The following CNTNAP2 variants were observed in gnomAD, a reference collection of about 807,000 sequenced individuals.
CNTNAP2 encodes the protein contactin associated protein 2.
CNTNAP2 carries 98 observed loss-of-function variants against 155.2 expected under a neutral mutation model. That is an observed-to-expected ratio of 0.63 (90% CI 0.54 to 0.75). CNTNAP2 has a LOEUF of 0.75. Ranked by LOEUF, CNTNAP2 falls within the 30% of genes least tolerant of loss-of-function variation. The pLI is 0.00. For missense variants in CNTNAP2, 1,727 were observed against 1,688.1 expected, an observed-to-expected ratio of 1.02 and a Z score of -0.40; for synonymous variants, 651 against 631.2, an observed-to-expected ratio of 1.03 and a Z score of -0.47.
At chr7:146,948,552 C>G (rs1343157781) in intron 3 of CNTNAP2, among the ~76,000 whole-genome samples, 2 of 152,130 alleles carry the variant, frequency 1.3e-5, no homozygotes, top group African/African-American at 4.8e-5. Flanking sequence ...GTTTGAACTT[C>G]TCAATTATAT....
intron 1 of CNTNAP2, among the ~76,000 whole-genome samples, chr7:146,414,866 AG>A (rs1795915070): frequency 6.6e-6 from 1 of 152,216 alleles, no homozygotes; most frequent in African/African-American, 2.4e-5. Flanking sequence ...TGCATTTAAA[AG>A]CCTTTATTCT....
At chr7:147,052,828 T>G (rs927942585) in intron 4 of CNTNAP2, among the ~76,000 whole-genome samples, 1 of 152,056 alleles carries the variant, frequency 6.6e-6, no homozygotes, top group Non-Finnish European at 1.5e-5. Flanking sequence ...ATGAGGTAAT[T>G]AAAATTGTCA....
intron 10 of CNTNAP2, among the ~76,000 whole-genome samples, chr7:147,440,620 C>T (rs1430611273): frequency 6.6e-6 from 1 of 152,106 alleles, no homozygotes; most frequent in Non-Finnish European, 1.5e-5. Flanking sequence ...TTGAAGAACT[C>T]CCTTTAGCAT....
At chr7:146,448,114 G>A (rs1245877198) in intron 1 of CNTNAP2, among the ~76,000 whole-genome samples, 1 of 151,966 alleles carries the variant, frequency 6.6e-6, no homozygotes, top group Non-Finnish European at 1.5e-5. Flanking sequence ...AAGAAAAATG[G>A]TTAATGCTAC....
intron 13 of CNTNAP2, among the ~76,000 whole-genome samples, chr7:147,767,024 C>A (rs544094873): frequency 6.6e-6 from 1 of 152,116 alleles, no homozygotes; most frequent in South Asian, 2.1e-4. Context: ...ATTATTTACT[C>A]CCTATTGACT....
At position 146,174,001 on chromosome 7, in the gene CNTNAP2, G is replaced by T. The variant is rs1798432044; in HGVS notation, c.97+57028G>T. The stretch of plus-strand genomic sequence containing the variant: ...GTGGGAGGATCATTTGAAGTTAGGA[G>T]TTCAAGACCAGCCTGGCCAACAGTG... On this transcript the variant is annotated intron_variant, in intron 1 of 23. Transcript: ENST00000361727. Among the ~76,000 whole-genome samples, 3 of 152,070 alleles carry T rather than the reference G, an allele frequency of 2.0e-5. No individual in the cohort carries two copies. The South Asian group carries it at 6.2e-4, about 32-fold the overall frequency.
At chr7:147,829,086 T>G (rs1284831185) in intron 13 of CNTNAP2, among the ~76,000 whole-genome samples, 1 of 152,214 alleles carries the variant, frequency 6.6e-6, no homozygotes, top group African/African-American at 2.4e-5. Context: ...GCCTTTAGTG[T>G]GTCCCAGTGA....
intron 21 of CNTNAP2, among the ~76,000 whole-genome samples, chr7:148,331,437 C>T (rs111065141): frequency 0.01 from 709 of 69,732 alleles, 7 homozygotes; most frequent in Middle Eastern, 0.047. Flanking sequence ...ATGGAGTGGA[C>T]GTATGGAATG....
chr7:146,554,220 T>A (rs939103528), intron 1 of CNTNAP2, among the ~76,000 whole-genome samples: 1 of 152,182 alleles, frequency 6.6e-6, no homozygotes, highest in Non-Finnish European at 1.5e-5. Flanking sequence ...GCCAGTGCTT[T>A]AACTTGAACT....
At chr7:146,863,378 T>C (rs1453046716) in intron 3 of CNTNAP2, among the ~76,000 whole-genome samples, 1 of 152,154 alleles carries the variant, frequency 6.6e-6, no homozygotes, top group Admixed American at 6.6e-5. Context: ...TCAATTGAGA[T>C]GAAGAGTTAT....
intron 14 of CNTNAP2, among the ~76,000 whole-genome samples, chr7:147,926,260 G>A (rs2116790731): frequency 6.6e-6 from 1 of 152,246 alleles, no homozygotes; most frequent in East Asian, 1.9e-4. Context: ...CCTCCATGAT[G>A]GACCTTGGAG....
At chr7:146,568,436 C>T (rs1231983511) in intron 1 of CNTNAP2, among the ~76,000 whole-genome samples, 4 of 152,100 alleles carry the variant, frequency 2.6e-5, no homozygotes, top group Admixed American at 6.5e-5. Context: ...TTTATATTGT[C>T]GTTAATTTAC....
At chr7:147,740,992 C>CA (rs1348415572) in intron 13 of CNTNAP2, among the ~76,000 whole-genome samples, 4 of 152,188 alleles carry the variant, frequency 2.6e-5, no homozygotes, top group Non-Finnish European at 4.4e-5. Flanking sequence ...TTCCCACCCC[C>CA]AATGGTCATT....
chr7:146,791,184 C>G (rs1280798785), intron 2 of CNTNAP2, among the ~76,000 whole-genome samples: 4 of 151,838 alleles, frequency 2.6e-5, no homozygotes, highest in Non-Finnish European at 5.9e-5. Flanking sequence ...GGTGACAACA[C>G]GTGGTGTTTG....
chr7:147,320,584 C>T (rs755714908), intron 9 of CNTNAP2, among the ~76,000 whole-genome samples: 7 of 152,158 alleles, frequency 4.6e-5, no homozygotes, highest in Non-Finnish European at 8.8e-5. Flanking sequence ...CAGAACTCTA[C>T]GTCAGGTCAA....
chr7:146,986,960 A>G (rs1798124229), intron 3 of CNTNAP2, among the ~76,000 whole-genome samples: 1 of 152,104 alleles, frequency 6.6e-6, no homozygotes, highest in African/African-American at 2.4e-5. Flanking sequence ...ATTAGCAATT[A>G]TTGTATATAA....
At chr7:147,771,041 A>T (rs1172363541) in intron 13 of CNTNAP2, among the ~76,000 whole-genome samples, 1 of 152,226 alleles carries the variant, frequency 6.6e-6, no homozygotes, top group Non-Finnish European at 1.5e-5. Flanking sequence ...TCAAAAATTG[A>T]TATATGCATT....
intron 6 of CNTNAP2, among the ~76,000 whole-genome samples, chr7:147,128,111 G>T (rs1563086332): frequency 6.6e-6 from 1 of 152,104 alleles, no homozygotes; most frequent in Non-Finnish European, 1.5e-5. Flanking sequence ...TCAACTTTGA[G>T]TTCCCAAATC....
chr7:148,398,075 G>A (rs201293832), intron 22 of CNTNAP2, among the ~76,000 whole-genome samples: 4 of 152,152 alleles, frequency 2.6e-5, no homozygotes, highest in East Asian at 1.9e-4. Flanking sequence ...ACCAAGAGCC[G>A]AACTGGGCAT....
Sources: gnomAD v4.1 joint callset for allele counts (sites outside exome capture counted in the v4.1 genomes callset) on GRCh38, gnomAD v4.1.1 for gene constraint, MANE v1.5 for transcripts, NCBI Gene and HGNC (gene_info 2026-07-23, HGNC 2026-07-21) for gene names.